RERE: variants seen among roughly 807,000 people sequenced by gnomAD.
The protein encoded by RERE is arginine-glutamic acid dipeptide repeats, also known as arginine-glutamic acid dipeptide repeats protein.
In RERE, 40 loss-of-function variants were observed where a neutral mutation model predicts 146.1. The ratio of observed to expected loss-of-function variants is 0.27; its 90% CI spans 0.21 to 0.36. RERE has a LOEUF of 0.36. Among genes scored for constraint, RERE ranks in the 10% least tolerant of loss-of-function variants. The pLI is 1.00. For missense variants in RERE, 1,933 were observed against 2,138.7 expected (o/e 0.90, Z 1.90); for synonymous variants, 1,003 against 866.0 (o/e 1.16, Z -2.78).
At chr1:8,642,248 T>A (rs1230439402) in intron 2 of RERE, among the ~76,000 whole-genome samples, 1 of 152,170 alleles carries the variant, frequency 6.6e-6, no homozygotes, top group Admixed American at 6.5e-5. Context: ...TTAATCCCCA[T>A]CACAATTCTG....
chr1:8,614,881 C>A (rs1361820257), intron 3 of RERE, among the ~76,000 whole-genome samples, 195 bp from the exon 4 acceptor site: 1 of 152,166 alleles, frequency 6.6e-6, no homozygotes, highest in African/African-American at 2.4e-5. Flanking sequence ...TCAGTGTGAA[C>A]AAACGTATGA....
intron 1 of RERE, among the ~76,000 whole-genome samples, chr1:8,715,283 G>A (rs12123325): frequency 0.03 from 4,491 of 148,368 alleles, 79 homozygotes; most frequent in Middle Eastern, 0.088. Context: ...AGGCCGAGGC[G>A]GGCAGATCAC....
In RERE at chr1:8,416,460, CCTGTAGTCCCAGCTACTCGGGAGG is replaced by C. The variant is rs1442499841; in HGVS notation, c.1284+6243_1284+6266del. Among the ~76,000 whole-genome samples, 6 of 151,976 alleles carry C rather than the reference CCTGTAGTCCCAGCTACTCGGGAGG, an allele frequency of 3.9e-5. No individual in the cohort carries two copies. In the South Asian group the frequency reaches 1.0e-3, roughly 26 times the overall value. ...AATTAGCCAGGCGTGGTGGCGGGCG[CCTGTAGTCCCAGCTACTCGGGAGG>C]CTGAGGCAGGAGAATGGCGTGAACC... On this transcript the variant is annotated intron_variant, in intron 12 of 22. Transcript: ENST00000400908.
intron 4 of RERE, among the ~76,000 whole-genome samples, chr1:8,581,509 T>C (rs1342576400): frequency 2.6e-5 from 4 of 152,228 alleles, no homozygotes; most frequent in African/African-American, 9.6e-5. Flanking sequence ...ATCCCCTCAT[T>C]AAGAAATCAT....
intron 4 of RERE, among the ~76,000 whole-genome samples, chr1:8,587,296 A>C (rs1436727272): frequency 1.3e-5 from 2 of 152,214 alleles, no homozygotes; most frequent in African/African-American, 4.8e-5. Context: ...CTCTATTCCC[A>C]ATCTGCAAAA....
intron 10 of RERE, among the ~76,000 whole-genome samples, chr1:8,474,588 T>C (rs901930420): frequency 4.6e-5 from 7 of 152,182 alleles, no homozygotes; most frequent in African/African-American, 1.2e-4. Flanking sequence ...GCAAATAAAT[T>C]TTCCTTTTGG....
At chr1:8,790,270 C>T (rs372139719) in intron 1 of RERE, among the ~76,000 whole-genome samples, 2 of 152,154 alleles carry the variant, frequency 1.3e-5, no homozygotes, top group East Asian at 1.9e-4. Flanking sequence ...AAGGACACCC[C>T]CCCAAAAAAA....
chr1:8,438,727 T>A (rs1644204691), intron 11 of RERE, among the ~76,000 whole-genome samples: 1 of 151,990 alleles, frequency 6.6e-6, no homozygotes, highest in African/African-American at 2.4e-5. Context: ...AGTACTCAAA[T>A]GTAGCGTTTA....
Position 8,362,700 on chromosome 1 carries a change from C to T in RERE, c.1885G>A (p.Val629Met). The T allele has an allele frequency of 6.2e-7, 1 of 1,614,282 alleles. No individual in the cohort carries two copies. Among genetic ancestry groups the T allele is most frequent in the Non-Finnish European group, 8.5e-7 (1 of 1,180,054 alleles). The change falls in exon 16 of 23, where the codon GTG becomes ATG. Residue 629 changes from valine (V) to methionine (M), a missense_variant. Coordinates refer to ENST00000400908, the MANE Select transcript of RERE (RefSeq NM_001042681.2). ...TSSNDSKAETVKKSAKKVKEE... is the reference protein window; with the variant it reads ...TSSNDSKAETMKKSAKKVKEE... Reference sequence around the variant, plus strand: ...CACCTGACCTTGGCCGACTTCTTCACTGTCTCTGCTTTACTGTCATTGCTG... The same window carrying T: ...CACCTGACCTTGGCCGACTTCTTCATTGTCTCTGCTTTACTGTCATTGCTG...
At chr1:8,530,145 T>A (rs1645624143) in intron 7 of RERE, among the ~76,000 whole-genome samples, 1 of 152,150 alleles carries the variant, frequency 6.6e-6, no homozygotes, top group Admixed American at 6.5e-5. Context: ...TTCCCAGAAG[T>A]CCTGTGATCC....
intron 1 of RERE, among the ~76,000 whole-genome samples, chr1:8,795,402 A>G (rs1385999646): frequency 6.6e-6 from 1 of 151,858 alleles, no homozygotes; most frequent in Non-Finnish European, 1.5e-5. Context: ...GGCCAAAGCA[A>G]TCCTCCAGCC....
intron 1 of RERE, among the ~76,000 whole-genome samples, chr1:8,667,435 G>A (rs1430618624): frequency 6.6e-6 from 1 of 152,196 alleles, no homozygotes; most frequent in South Asian, 2.1e-4. Context: ...AGCATGTTCG[G>A]GGGGCCGAGG....
chr1:8,464,378 C>A (rs1570280721), intron 11 of RERE, among the ~76,000 whole-genome samples: 1 of 152,168 alleles, frequency 6.6e-6, no homozygotes, highest in Admixed American at 6.5e-5. Context: ...GATCTCGCTG[C>A]TTCTTATCAC....
chr1:8,438,512 G>C (rs17032589), intron 11 of RERE, among the ~76,000 whole-genome samples: 4,068 of 152,246 alleles, frequency 0.027, 192 homozygotes, highest in African/African-American at 0.094. Context: ...CATATAGATG[G>C]GTCTCTGGAT....
chr1:8,457,738 T>C (rs965044264), intron 11 of RERE, among the ~76,000 whole-genome samples: 9 of 152,086 alleles, frequency 5.9e-5, no homozygotes, highest in African/African-American at 1.4e-4. Flanking sequence ...GTAGCTGAGA[T>C]TACAAGCACG....
At chr1:8,705,376 G>C (rs1316526915) in intron 1 of RERE, among the ~76,000 whole-genome samples, 1 of 151,938 alleles carries the variant, frequency 6.6e-6, no homozygotes, top group East Asian at 1.9e-4. Context: ...TCTACCACAG[G>C]CCAGCAGGCT....
At chr1:8,482,543 G>A (rs1319208844) in intron 10 of RERE, among the ~76,000 whole-genome samples, 2 of 151,770 alleles carry the variant, frequency 1.3e-5, no homozygotes, top group Non-Finnish European at 2.9e-5. Flanking sequence ...TTAGCCGGGC[G>A]TGGTGGCAGG....
chr1:8,724,458 T>A (rs959699351), intron 1 of RERE, among the ~76,000 whole-genome samples: 8 of 152,236 alleles, frequency 5.3e-5, no homozygotes, highest in African/African-American at 1.9e-4. Flanking sequence ...AGTAAGTTAG[T>A]TAATTTCAAG....
At chr1:8,564,822 G>GTGTA (rs1646126135) in intron 4 of RERE, among the ~76,000 whole-genome samples, 2 of 94,842 alleles carry the variant, frequency 2.1e-5, no homozygotes, top group Non-Finnish European at 4.1e-5. Context: ...GTATGTGTGT[G>GTGTA]TATATGTGTA....
Sources: allele counts gnomAD v4.1 joint callset (sites outside exome capture counted in the v4.1 genomes callset), GRCh38; gene constraint gnomAD v4.1.1; transcripts MANE v1.5; gene names NCBI Gene and HGNC (gene_info 2026-07-23, HGNC 2026-07-21).